PITPNC1: variants seen among roughly 807,000 people sequenced by gnomAD.
The protein encoded by PITPNC1 is phosphatidylinositol transfer protein cytoplasmic 1.
Under a neutral mutation model 44.7 loss-of-function variants are expected in PITPNC1, and 18 were observed. The observed-to-expected ratio is 0.40, with a 90% CI of 0.28 to 0.60. The LOEUF is 0.60. Among genes scored for constraint, PITPNC1 ranks in the 20% least tolerant of loss-of-function variants. The pLI, the probability that PITPNC1 is intolerant of heterozygous loss-of-function variation, is 0.39. For missense variants in PITPNC1, 290 were observed against 418.4 expected, an observed-to-expected ratio of 0.69 and a Z score of 2.68; for synonymous variants, 141 against 149.6, an observed-to-expected ratio of 0.94 and a Z score of 0.42.
At chr17:67,672,833 C>T (rs2042537745) in intron 7 of PITPNC1, among the ~76,000 whole-genome samples, 3 of 152,060 alleles carry the variant, frequency 2.0e-5, no homozygotes, top group African/African-American at 7.2e-5. Flanking sequence ...CTGAGGCTAG[C>T]ATTTGCATGG....
At chr17:67,456,305 A>G (rs569163128) in intron 1 of PITPNC1, among the ~76,000 whole-genome samples, 1 of 152,208 alleles carries the variant, frequency 6.6e-6, no homozygotes, top group African/African-American at 2.4e-5. Context: ...TGTATTTTAG[A>G]TGGGCCTCTT....
intron 7 of PITPNC1, among the ~76,000 whole-genome samples, chr17:67,674,390 G>C (rs912262147): frequency 6.6e-6 from 1 of 151,780 alleles, no homozygotes; most frequent in Non-Finnish European, 1.5e-5. Context: ...TGTAGTCCCA[G>C]CTACTGAGGA....
intron 1 of PITPNC1, among the ~76,000 whole-genome samples, chr17:67,503,195 A>G (rs2040058258): frequency 6.7e-6 from 1 of 149,958 alleles, no homozygotes; most frequent in Non-Finnish European, 1.5e-5. Context: ...TAAAAGAAGT[A>G]GATTTATTGA....
intron 1 of PITPNC1, among the ~76,000 whole-genome samples, chr17:67,454,763 C>T (rs1298023385): frequency 6.6e-6 from 1 of 151,934 alleles, no homozygotes; most frequent in African/African-American, 2.4e-5. Flanking sequence ...TATGTTGCCC[C>T]ATAGCCTTCC....
At chr17:67,523,958 C>T (rs555326542) in intron 1 of PITPNC1, among the ~76,000 whole-genome samples, 1 of 151,882 alleles carries the variant, frequency 6.6e-6, no homozygotes, top group Non-Finnish European at 1.5e-5. Context: ...ATTACAGGTG[C>T]CTGCCACCAC....
At chr17:67,684,228 C>T (rs1433057467) in intron 8 of PITPNC1, among the ~76,000 whole-genome samples, 1 of 151,278 alleles carries the variant, frequency 6.6e-6, no homozygotes, top group African/African-American at 2.4e-5. Context: ...TCTTGTACCT[C>T]AGCCTCCTGA....
intron 1 of PITPNC1, among the ~76,000 whole-genome samples, chr17:67,439,542 A>T (rs2038983006): frequency 6.6e-6 from 1 of 152,218 alleles, no homozygotes; most frequent in Non-Finnish European, 1.5e-5. Context: ...AATTTCTCAT[A>T]GAAAAAGATA....
intron 1 of PITPNC1, among the ~76,000 whole-genome samples, chr17:67,521,865 A>C (rs1395013283): frequency 6.6e-6 from 1 of 152,206 alleles, no homozygotes; most frequent in African/African-American, 2.4e-5. Flanking sequence ...ATGTGTTCTC[A>C]TTGAGACCGG....
intron 1 of PITPNC1, among the ~76,000 whole-genome samples, chr17:67,402,816 A>ATG (rs2038338147): frequency 3.9e-5 from 6 of 151,938 alleles, no homozygotes; most frequent in African/African-American, 1.4e-4. Flanking sequence ...ACAGGTGCCC[A>ATG]CCACCATGCC....
intron 1 of PITPNC1, among the ~76,000 whole-genome samples, chr17:67,403,405 G>T (rs1177859783): frequency 6.6e-6 from 1 of 152,124 alleles, no homozygotes; most frequent in African/African-American, 2.4e-5. Context: ...AACAGTTTAA[G>T]ATTATAATTT....
intron 1 of PITPNC1, among the ~76,000 whole-genome samples, chr17:67,448,664 T>C (rs1422094743): frequency 6.6e-6 from 1 of 152,248 alleles, no homozygotes. Context: ...CAGTCTTTCC[T>C]GTGGGCTCTT....
rs1288441096 is a variant in PITPNC1 at position 67,392,352 on chromosome 17, T to G, written c.48+14150T>G. Among the ~76,000 whole-genome samples, 7 of 152,190 alleles carry G rather than the reference T, an allele frequency of 4.6e-5. No homozygotes were observed. The East Asian group carries it at 1.3e-3, about 29-fold the overall frequency. ...ACTAGCAGTGCCTCCAGATCCAGTT[T>G]CTAAATCACACAGGGAGATTAACAT... On this transcript the variant is annotated intron_variant, in intron 1 of 8. Transcript: ENST00000581322.
chr17:67,399,565 G>A (rs2038276760), intron 1 of PITPNC1, among the ~76,000 whole-genome samples: 1 of 152,000 alleles, frequency 6.6e-6, no homozygotes, highest in Non-Finnish European at 1.5e-5. Flanking sequence ...CATTTCCATA[G>A]TCTAAAATAA....
At chr17:67,522,706 G>A (rs2040343261) in intron 1 of PITPNC1, among the ~76,000 whole-genome samples, 1 of 130,490 alleles carries the variant, frequency 7.7e-6, no homozygotes, top group African/African-American at 3.2e-5. Flanking sequence ...TGCCCAGGCT[G>A]GAGCACAGTG....
At chr17:67,389,780 A>C (rs1378525194) in intron 1 of PITPNC1, among the ~76,000 whole-genome samples, 3 of 152,008 alleles carry the variant, frequency 2.0e-5, no homozygotes, top group Non-Finnish European at 2.9e-5. Context: ...CCTGGGTTCA[A>C]GCAATTCTCC....
chr17:67,630,963 C>T (rs1217977409), intron 5 of PITPNC1, among the ~76,000 whole-genome samples: 4 of 151,808 alleles, frequency 2.6e-5, no homozygotes, highest in African/African-American at 7.2e-5. Context: ...CTGCCCACCT[C>T]GGCCTCCCAA....
At chr17:67,636,430 T>C (rs545957622) in intron 6 of PITPNC1, among the ~76,000 whole-genome samples, 58 of 152,278 alleles carry the variant, frequency 3.8e-4, no homozygotes, top group African/African-American at 1.3e-3. Context: ...TGGCCCGCCC[T>C]GGAGTCTTAC....
chr17:67,553,092 CTTGCAA>C (rs1183414579), intron 3 of PITPNC1: 3 of 152,296 alleles, frequency 2.0e-5, no homozygotes, highest in Admixed American at 2.0e-4. Flanking sequence ...CTCCCTCTCA[CTTGCAA>C]TGCGATGACA....
chr17:67,402,368 A>G lies in PITPNC1; in HGVS notation c.48+24166A>G, dbSNP rs932614429. ...ATGGGCCGTTATTTACTGATCTTAG[A>G]TATTGGAGGACCAGTGCTGAAACCA... On this transcript the variant is annotated intron_variant, in intron 1 of 8. Coordinates refer to ENST00000581322, the MANE Select transcript of PITPNC1 (RefSeq NM_012417.4). Among the ~76,000 whole-genome samples the G allele has an allele frequency of 2.0e-5, 3 of 152,168 alleles. No individual in the cohort carries two copies. In the East Asian group the frequency reaches 5.8e-4, roughly 29 times the overall value.
Sources: gnomAD v4.1 joint callset for allele counts (sites outside exome capture counted in the v4.1 genomes callset) on GRCh38, gnomAD v4.1.1 for gene constraint, MANE v1.5 for transcripts, NCBI Gene and HGNC (gene_info 2026-07-23, HGNC 2026-07-21) for gene names.